ELL3: variants seen among roughly 807,000 people sequenced by gnomAD.
ELL3 encodes the protein RNA polymerase II elongation factor ELL3.
ELL3 carries 48 observed loss-of-function variants against 58.5 expected under a neutral mutation model. The ratio of observed to expected loss-of-function variants is 0.82; its 90% CI spans 0.65 to 1.04. The LOEUF is 1.04. ELL3 is among the 50% of genes least tolerant of loss of function. The pLI is 0.00. For missense variants in ELL3, 458 were observed against 478.4 expected (o/e 0.96, Z 0.40); for synonymous variants, 174 against 173.2 (o/e 1.00, Z -0.04).
In ELL3 at chr15:43,776,150, T is replaced by C. The variant is rs2086914729; in HGVS notation, c.170A>G (p.Tyr57Cys). 9 of 1,613,594 alleles carry C rather than the reference T, an allele frequency of 5.6e-6. No individual in the cohort carries two copies. The highest frequency in any genetic ancestry group is 7.6e-6 in the Non-Finnish European group (9 of 1,179,602). The change falls in exon 3 of 11, where the codon TAT becomes TGT. Residue 57 changes from tyrosine to cysteine, a missense_variant and splice_region_variant. By Grantham distance (194) the Tyr-to-Cys change is radical. Transcript: ENST00000319359. ...PVIAFQGHRGYLRLPGPGWSC... is the reference protein window; with the variant it reads ...PVIAFQGHRGCLRLPGPGWSC... ...CCAACCAGGGCCTGGGAGTCTCAGA[T>C]ACTGGGGGTGGAAGGAGACGGTAAG...
At chr15:43,773,382 T>C in intron 9 of ELL3, 34 bp from the exon 10 acceptor site, 2 of 1,613,052 alleles carry the variant, frequency 1.2e-6, no homozygotes, top group Non-Finnish European at 1.7e-6. Context: ...GAGTTCAACA[T>C]TAAGAAATGA....
rs781684879 is a variant in ELL3, at chr15:43,774,750, A to G, written c.669T>C (p.Thr223=). 3.1e-6 allele frequency: 5 copies of G among 1,612,556 alleles called. No individual in the cohort carries two copies. In the South Asian group the frequency reaches 4.4e-5, roughly 14 times the overall value. ...LDKKRSVPVA[T]VELEEKRFRT... Reference sequence around the variant, plus strand: ...TGAACCTCTTTTCTTCCAGTTCTACAGTGGCTACAGGCACTGAACGTTTCT... The same window carrying G: ...TGAACCTCTTTTCTTCCAGTTCTACGGTGGCTACAGGCACTGAACGTTTCT... Residue 223 remains threonine, a synonymous_variant, in exon 7 of 11, where the codon ACT becomes ACC. Transcript: ENST00000319359.
rs1488011303 is a variant in ELL3, at chr15:43,774,236, GA to G, written c.983del (p.Phe328SerfsTer2). 1 of 1,614,144 alleles carries G rather than the reference GA, an allele frequency of 6.2e-7. No homozygotes were observed. The highest frequency in any genetic ancestry group is 8.5e-7 in the Non-Finnish European group (1 of 1,180,030). ...TTTTAATCTCTGCTCCCAGCTCTAT[GA>G]ACCTTTGGCTTGCAGTCCCAACACG... The part of the protein sequence containing the change: ...HARVGTASQR[F>X]IELGAEIKRV... On this transcript the variant is annotated frameshift_variant, in exon 9 of 11. Transcript: ENST00000319359. LOFTEE classifies it high-confidence loss of function.
Position 43,776,069 on chromosome 15 carries a change from C to G in ELL3, c.251G>C (p.Ser84Thr). 6.2e-7 allele frequency: 1 copy of G among 1,614,172 alleles called. No homozygotes were observed. Among genetic ancestry groups the G allele is most frequent in the South Asian group, 1.1e-5 (1 of 91,080 alleles). The change falls in exon 3 of 11, where the codon AGC becomes ACC. Residue 84 changes from serine to threonine, a missense_variant. Transcript: ENST00000319359. ...SQCCQEGAGG[S>T]LDLVCQRFLR... ...GAAGCGTTGGCACACAAGGTCCAAGCTACCACCAGCGCCCTCCTGACAACA... is the reference window on the plus strand; with the variant it reads ...GAAGCGTTGGCACACAAGGTCCAAGGTACCACCAGCGCCCTCCTGACAACA...
rs1203923058 is a variant in ELL3 at position 43,774,324 on chromosome 15, T to A, written c.896A>T (p.Gln299Leu). Reference protein sequence around the residue: ...LQYRAIHSAEQQHAYEQDFET... With the variant: ...LQYRAIHSAELQHAYEQDFET... Reference sequence around the variant, plus strand: ...AAAGTCCTGCTCATAGGCATGTTGCTGTTCTGCACTGTGGATGGCCCTGTA... The same window carrying A: ...AAAGTCCTGCTCATAGGCATGTTGCAGTTCTGCACTGTGGATGGCCCTGTA... Residue 299 changes from glutamine (Q) to leucine (L), a missense_variant, in exon 9 of 11, where the codon CAG becomes CTG. Physicochemically the swap from Gln to Leu is moderately radical, Grantham distance 113. Transcript: ENST00000319359. 1.9e-6 allele frequency: 3 copies of A among 1,614,258 alleles called. No individual in the cohort carries two copies. Among genetic ancestry groups the A allele is most frequent in the Non-Finnish European group, 2.5e-6 (3 of 1,180,048 alleles).
At position 43,773,002 on chromosome 15, in the gene ELL3, A is replaced by ATT. The variant is rs2086890253; in HGVS notation, c.*113_*114insAA. The ATT allele has an allele frequency of 9.9e-7, 1 of 1,013,428 alleles. No homozygotes were observed. Among genetic ancestry groups the ATT allele is most frequent in the African/African-American group, 1.6e-5 (1 of 61,804 alleles). 62.8% of individuals were successfully genotyped at this position (1,013,428 alleles called of 1,614,324 possible). ...CTAGAGCAGCTCTCTACTTGCCACC[A>ATT]TGGACTCCAGTGGTCAGCATAAGAA... On this transcript the variant is annotated 3_prime_UTR_variant, in exon 11 of 11. Coordinates refer to ENST00000319359, the MANE Select transcript of ELL3 (RefSeq NM_025165.3).
chr15:43,776,176 C>T, intron 2 of ELL3, 25 bp from the exon 3 acceptor site: 2 of 1,600,550 alleles, frequency 1.2e-6, no homozygotes, highest in Non-Finnish European at 8.6e-7. Flanking sequence ...AGACGGTAAG[C>T]CCCATGAAGT....
At chr15:43,775,258 TA>T in intron 6 of ELL3, 47 bp downstream of exon 6, 7 of 1,520,494 alleles carry the variant, frequency 4.6e-6, no homozygotes, top group Non-Finnish European at 6.2e-6. Context: ...TGCCACTGTT[TA>T]ATTATATTAA....
intron 9 of ELL3, 124 bp from the exon 10 acceptor site, chr15:43,773,472 A>G (rs1273467632): frequency 1.0e-6 from 1 of 991,544 alleles, no homozygotes; most frequent in Non-Finnish European, 1.5e-6. Flanking sequence ...TAACGAGGTC[A>G]GGAGATCTTG....
In ELL3 at chr15:43,774,169, G is replaced by A. The variant is rs1024122114; in HGVS notation, c.1038+13C>T. On this transcript the variant is annotated intron_variant, in intron 9 of 10. Transcript: ENST00000319359. The stretch of plus-strand genomic sequence containing the variant: ...CAGTAGAGCTGGAAAGCCAGGCTGG[G>A]TCCTGTCCTTACCTTGTATTCTGGA... The A allele has an allele frequency of 1.2e-6, 2 of 1,613,550 alleles. No individual in the cohort carries two copies. The highest frequency in any genetic ancestry group is 1.7e-6 in the Non-Finnish European group (2 of 1,179,542).
intron 6 of ELL3, 123 bp from the exon 7 acceptor site, chr15:43,774,896 G>T: frequency 1.8e-6 from 2 of 1,082,746 alleles, no homozygotes; most frequent in Non-Finnish European, 2.6e-6. Context: ...CGTTTCAGAG[G>T]CTCAGGTGGG....
intron 6 of ELL3, 35 bp downstream of exon 6, chr15:43,775,271 G>A (rs1323827414): frequency 1.9e-6 from 3 of 1,552,536 alleles, no homozygotes; most frequent in African/African-American, 1.4e-5. Flanking sequence ...TTATATTAAT[G>A]TTACAAAAAA....
Position 43,776,823 on chromosome 15 carries a change from G to A in ELL3, c.79C>T (p.Leu27Phe), listed in dbSNP as rs1156605362. The A allele has an allele frequency of 3.1e-6, 5 of 1,612,148 alleles. No individual in the cohort carries two copies. The highest frequency in any genetic ancestry group is 1.1e-5 in the South Asian group (1 of 90,664). Residue 27 changes from leucine to phenylalanine, a missense_variant, in exon 1 of 11, where the codon CTC becomes TTC. Transcript: ENST00000319359. ...TQAARTSLLL[L>F]RLNDAALRAL... ...CGCAGGGCAGCGTCGTTGAGCCTGA[G>A]CAGTAAGAGGCTAGTCCGGGCAGCT...
chr15:43,775,223 T>TA, intron 6 of ELL3, 83 bp downstream of exon 6: 1 of 1,380,876 alleles, frequency 7.2e-7, no homozygotes, highest in Non-Finnish European at 9.8e-7. Flanking sequence ...TTAGCTTGAC[T>TA]AAAAGTGCTT....
At position 43,774,642 on chromosome 15, in the gene ELL3, A is replaced by C; in HGVS notation, c.777T>G (p.Asp259Glu). 1 of 1,614,144 alleles carries C rather than the reference A, an allele frequency of 6.2e-7. No homozygotes were observed. Among genetic ancestry groups the C allele is most frequent in the Non-Finnish European group, 8.5e-7 (1 of 1,180,026 alleles). Residue 259 changes from aspartate (D) to glutamate (E), a missense_variant, in exon 7 of 11, where the codon GAT (aspartate) becomes GAG (glutamate). Coordinates refer to ENST00000319359, the MANE Select transcript of ELL3 (RefSeq NM_025165.3). ...LQEGEDWEQE[D>E]EDMDPRLEHS... ...GTTCTAATCTGGGGTCCATGTCCTCATCTTCTTGCTCCCAATCTTCTCCCT... is the reference window on the plus strand; with the variant it reads ...GTTCTAATCTGGGGTCCATGTCCTCCTCTTCTTGCTCCCAATCTTCTCCCT...
chr15:43,772,703 GCTACAAGTTCTTTTAA>G lies in ELL3; in HGVS notation c.*397_*412del, dbSNP rs2086888601. The G allele has an allele frequency of 6.4e-6, 1 of 155,250 alleles. No individual in the cohort carries two copies. The highest frequency in any genetic ancestry group is 1.4e-5 in the Non-Finnish European group (1 of 70,228). The allele number at this position is 155,250 out of a possible 1,614,324, so 9.6% of individuals were successfully genotyped here. A position where few individuals can be genotyped will look rare whatever the true frequency, so the allele number is the denominator to read the frequency against. On this transcript the variant is annotated 3_prime_UTR_variant, in exon 11 of 11. Coordinates refer to ENST00000319359, the MANE Select transcript of ELL3 (RefSeq NM_025165.3). The stretch of plus-strand genomic sequence containing the variant: ...GCCCTTTCCCATTATATCCAGGTAT[GCTACAAGTTCTTTTAA>G]CTCTTATCAGAAGTTATTATTACTG...
In ELL3 at chr15:43,773,180, T is replaced by C; in HGVS notation, c.1130A>G (p.His377Arg). 6.2e-7 allele frequency: 1 copy of C among 1,613,988 alleles called. No individual in the cohort carries two copies. The highest frequency in any genetic ancestry group is 8.5e-7 in the Non-Finnish European group (1 of 1,179,982). The change falls in exon 11 of 11, where the codon CAC becomes CGC. Residue 377 changes from histidine (H) to arginine (R), a missense_variant. Coordinates refer to ENST00000319359, the MANE Select transcript of ELL3 (RefSeq NM_025165.3). ...REEKRRCEYL[H>R]QKLSHIKGLI... is the part of the protein sequence containing the mutation. ...ACCTTTAATGTGGGACAATTTCTGG[T>C]GAAGGTACTCACAGCGACGCTTTTC...
chr15:43,774,108 C>T, intron 9 of ELL3, 74 bp downstream of exon 9: 2 of 1,551,336 alleles, frequency 1.3e-6, no homozygotes, highest in Non-Finnish European at 1.7e-6. Context: ...ACTTTATAAA[C>T]ACAGGTGTAT....
chr15:43,774,506 G>C lies in ELL3; in HGVS notation c.836C>G (p.Pro279Arg). ...GTAGTCTGGTATATCTTCAGGACTT[G>C]GGGATTCAGAATCTAGGAAGGAAGC... is the stretch of plus-strand genomic sequence containing the variant. ...SSSVQEDSES[P>R]SPEDIPDYLL... The change falls in exon 8 of 11, where the codon CCA (proline) becomes CGA (arginine). Residue 279 changes from proline to arginine, a missense_variant. Physicochemically the swap from Pro to Arg is moderately radical, Grantham distance 103. Transcript: ENST00000319359. The C allele has an allele frequency of 1.2e-6, 2 of 1,614,150 alleles. No individual in the cohort carries two copies. Among genetic ancestry groups the C allele is most frequent in the South Asian group, 2.2e-5 (2 of 91,076 alleles).
Sources: gnomAD v4.1 joint callset for allele counts on GRCh38, gnomAD v4.1.1 for gene constraint, MANE v1.5 for transcripts, NCBI Gene and HGNC (gene_info 2026-07-23, HGNC 2026-07-21) for gene names.